RPRD1A: variants seen among roughly 807,000 people sequenced by gnomAD.
The protein encoded by RPRD1A is regulation of nuclear pre-mRNA domain containing 1A.
A neutral mutation model predicts 37.8 loss-of-function variants in RPRD1A; 9 were observed. The ratio of observed to expected loss-of-function variants is 0.24; its 90% CI spans 0.14 to 0.42. The LOEUF is 0.42. RPRD1A is among the 10% of genes least tolerant of loss of function. The pLI is 1.00. For synonymous variants in RPRD1A, 138 were observed against 139.7 expected (o/e 0.99, Z 0.08); for missense variants, 255 against 371.0 (o/e 0.69, Z 2.57).
intron 1 of RPRD1A, among the ~76,000 whole-genome samples, chr18:36,046,316 G>C (rs911358052): frequency 3.9e-5 from 6 of 152,036 alleles, no homozygotes; most frequent in African/African-American, 1.4e-4. Context: ...CAGCAATAAA[G>C]AAACACTCCC....
chr18:36,031,221 T>C, intron 2 of RPRD1A, 124 bp from the exon 3 acceptor site: 1 of 1,212,322 alleles, frequency 8.2e-7, no homozygotes, highest in Non-Finnish European at 1.1e-6. Context: ...ACTGTCCAAA[T>C]GTCTACTTAG....
intron 6 of RPRD1A, among the ~76,000 whole-genome samples, chr18:35,994,052 T>A (rs1908873973): frequency 1.3e-5 from 2 of 152,142 alleles, no homozygotes; most frequent in Admixed American, 1.3e-4. Flanking sequence ...GCTGCACCCC[T>A]CCCTTTCTCC....
intron 1 of RPRD1A, among the ~76,000 whole-genome samples, chr18:36,037,933 A>T (rs1912313517): frequency 6.6e-6 from 1 of 152,244 alleles, no homozygotes; most frequent in African/African-American, 2.4e-5. Flanking sequence ...ATTTCTAGCC[A>T]GCAAAGCATT....
chr18:36,060,866 C>T (rs555445849), intron 1 of RPRD1A, among the ~76,000 whole-genome samples: 1 of 152,130 alleles, frequency 6.6e-6, no homozygotes, highest in South Asian at 2.1e-4. Flanking sequence ...TGGTAGTGTG[C>T]ACCTGTAGTC....
intron 6 of RPRD1A, among the ~76,000 whole-genome samples, chr18:36,014,541 A>G (rs1910378034): frequency 6.6e-6 from 1 of 152,204 alleles, no homozygotes; most frequent in South Asian, 2.1e-4. Flanking sequence ...GATCGAGACC[A>G]TCCTGGCTAA....
chr18:36,051,270 C>A (rs1397515208), intron 1 of RPRD1A, among the ~76,000 whole-genome samples: 2 of 152,150 alleles, frequency 1.3e-5, no homozygotes, highest in East Asian at 3.8e-4. Context: ...GTATCAAAAT[C>A]ATTTGACCTT....
Position 36,003,978 on chromosome 18 carries a change from G to GAGAC in RPRD1A, c.790-10682_790-10679dup, listed in dbSNP as rs967721392. Among the ~76,000 whole-genome samples, 4 of 149,684 alleles carry GAGAC rather than the reference G, an allele frequency of 2.7e-5. 1 individual carries two copies. The highest frequency in any genetic ancestry group is 4.3e-4 in the South Asian group (2 of 4,702). ...CACACCACACTTGGAGAGGGAGAGG[G>GAGAC]AGACAGACAGACAGACACAGACTTT... On this transcript the variant is annotated intron_variant, in intron 6 of 6. Coordinates refer to ENST00000399022, the MANE Select transcript of RPRD1A (RefSeq NM_018170.5).
intron 1 of RPRD1A, among the ~76,000 whole-genome samples, chr18:36,057,486 A>C (rs1339147878): frequency 6.6e-6 from 1 of 152,058 alleles, no homozygotes; most frequent in African/African-American, 2.4e-5. Flanking sequence ...GGTGGTGTGC[A>C]CCTATAGTCC....
In RPRD1A at chr18:36,011,191, A is replaced by G. The variant is rs79227342; in HGVS notation, c.789+15709T>C. On this transcript the variant is annotated intron_variant, in intron 6 of 6. Coordinates refer to ENST00000399022, the MANE Select transcript of RPRD1A (RefSeq NM_018170.5). Reference sequence around the variant, plus strand: ...ACTTAAATCCCATAATAACCACATAAAGTCGGTACAATTATTATCCCTATT... The same window carrying G: ...ACTTAAATCCCATAATAACCACATAGAGTCGGTACAATTATTATCCCTATT... 9.6e-4 allele frequency among the ~76,000 whole-genome samples: 146 copies of G among 152,250 alleles called. No individual in the cohort carries two copies. In the East Asian group the frequency reaches 0.026, roughly 28 times the overall value.
At chr18:36,015,714 G>A (rs1173026970) in intron 6 of RPRD1A, among the ~76,000 whole-genome samples, 1 of 152,162 alleles carries the variant, frequency 6.6e-6, no homozygotes, top group Non-Finnish European at 1.5e-5. Context: ...AAATAAGCCA[G>A]TCACAAAAAG....
chr18:35,993,433 T>C (rs1908832173), intron 6 of RPRD1A, 133 bp from the exon 7 acceptor site: 1 of 837,264 alleles, frequency 1.2e-6, no homozygotes, highest in Non-Finnish European at 1.8e-6. Context: ...CAGTGTGAGT[T>C]TTCACATCAA....
chr18:36,016,862 A>G (rs924338414), intron 6 of RPRD1A, among the ~76,000 whole-genome samples: 4 of 152,230 alleles, frequency 2.6e-5, no homozygotes, highest in Non-Finnish European at 5.9e-5. Flanking sequence ...ATGTGCAAAA[A>G]GACACTATAT....
At chr18:36,007,721 C>T (rs1598604194) in intron 6 of RPRD1A, among the ~76,000 whole-genome samples, 1 of 152,142 alleles carries the variant, frequency 6.6e-6, no homozygotes, top group East Asian at 1.9e-4. Context: ...GGGCGGATCA[C>T]GAGGTCAAGA....
chr18:35,995,631 G>A (rs756745603), intron 6 of RPRD1A, among the ~76,000 whole-genome samples: 130 of 152,158 alleles, frequency 8.5e-4, no homozygotes, highest in Admixed American at 1.7e-3. Flanking sequence ...ATTTGAAAAA[G>A]GTTCACCTAC....
chr18:36,003,986 C>G (rs1332318924), intron 6 of RPRD1A, among the ~76,000 whole-genome samples: 1 of 142,300 alleles, frequency 7.0e-6, no homozygotes, highest in Non-Finnish European at 1.5e-5. Flanking sequence ...GGGAGACAGA[C>G]AGACAGACAC....
chr18:36,008,633 T>A (rs1909969094), intron 6 of RPRD1A, among the ~76,000 whole-genome samples: 1 of 121,936 alleles, frequency 8.2e-6, no homozygotes, highest in South Asian at 2.8e-4. Context: ...CCCCTCATGG[T>A]ATATCAATTT....
intron 6 of RPRD1A, among the ~76,000 whole-genome samples, chr18:36,019,865 C>T (rs908628560): frequency 6.6e-6 from 1 of 152,150 alleles, no homozygotes; most frequent in Non-Finnish European, 1.5e-5. Context: ...CATGGCAAAA[C>T]CCTGTCTCTA....
chr18:36,067,414 A>C lies in RPRD1A; in HGVS notation c.-10T>G. 6.2e-7 allele frequency: 1 copy of C among 1,603,336 alleles called. No homozygotes were observed. The highest frequency in any genetic ancestry group is 8.5e-7 in the Non-Finnish European group (1 of 1,175,102). On this transcript the variant is annotated 5_prime_UTR_variant, in exon 1 of 7. Transcript: ENST00000399022. ...CAGAGAAGGCTGACATCCCTCCGACACCACGTTCACGCCGTCCCACGCGGT... is the reference window on the plus strand; with the variant it reads ...CAGAGAAGGCTGACATCCCTCCGACCCCACGTTCACGCCGTCCCACGCGGT...
chr18:36,017,161 T>C (rs1048423192), intron 6 of RPRD1A, among the ~76,000 whole-genome samples: 1 of 152,006 alleles, frequency 6.6e-6, no homozygotes, highest in African/African-American at 2.4e-5. Context: ...AGCACAAAAA[T>C]TAGTCGGGAG....
Sources: gnomAD v4.1 joint callset for allele counts (sites outside exome capture counted in the v4.1 genomes callset) on GRCh38, gnomAD v4.1.1 for gene constraint, MANE v1.5 for transcripts, NCBI Gene and HGNC (gene_info 2026-07-23, HGNC 2026-07-21) for gene names.